WDFY1: variants seen among roughly 807,000 people sequenced by gnomAD.
The protein encoded by WDFY1 is WD repeat and FYVE domain-containing protein 1.
Under a neutral mutation model 56.4 loss-of-function variants are expected in WDFY1, and 32 were observed. The observed-to-expected ratio is 0.57, with a 90% CI of 0.43 to 0.76. WDFY1 has a LOEUF of 0.76. Among genes scored for constraint, WDFY1 ranks in the 30% least tolerant of loss-of-function variants. The probability of loss-of-function intolerance (pLI) is 0.00; values close to 1 mark genes in which losing one functional copy is unlikely to be tolerated. For missense variants in WDFY1, 480 were observed against 545.7 expected, an observed-to-expected ratio of 0.88 and a Z score of 1.20; for synonymous variants, 192 against 197.3, an observed-to-expected ratio of 0.97 and a Z score of 0.23.
chr2:223,918,812 C>A (rs747999493), intron 1 of WDFY1, among the ~76,000 whole-genome samples: 1 of 151,998 alleles, frequency 6.6e-6, no homozygotes, highest in Non-Finnish European at 1.5e-5. Context: ...TGGAGAGGGG[C>A]GCCACGCACA....
chr2:223,941,266 T>A (rs1689299097), intron 1 of WDFY1, among the ~76,000 whole-genome samples: 1 of 70,856 alleles, frequency 1.4e-5, no homozygotes, highest in Non-Finnish European at 4.5e-5. Context: ...CCCCAAAAAC[T>A]TTTTTTTTTT....
intron 10 of WDFY1, among the ~76,000 whole-genome samples, chr2:223,881,136 A>G (rs1192731837): frequency 6.6e-6 from 1 of 152,258 alleles, no homozygotes; most frequent in Non-Finnish European, 1.5e-5. Flanking sequence ...GGTATCAAAC[A>G]GATGTGTCTT....
chr2:223,936,082 G>A (rs62185689), intron 1 of WDFY1, among the ~76,000 whole-genome samples: 1 of 109,010 alleles, frequency 9.2e-6, no homozygotes, highest in African/African-American at 3.3e-5. Context: ...TTTTTTTGGG[G>A]ACAGAGTCTT....
intron 10 of WDFY1, 49 bp from the exon 11 acceptor site, chr2:223,880,281 G>C: frequency 6.5e-7 from 1 of 1,549,172 alleles, no homozygotes. Context: ...TGTACCTAGA[G>C]CTAGTGGGGT....
intron 9 of WDFY1, among the ~76,000 whole-genome samples, chr2:223,882,913 G>A (rs1250270433): frequency 1.3e-5 from 2 of 152,074 alleles, no homozygotes; most frequent in East Asian, 1.9e-4. Flanking sequence ...TTTTTTTGCA[G>A]AGACAGGGTC....
chr2:223,902,388 C>T (rs927285075), intron 4 of WDFY1, among the ~76,000 whole-genome samples: 3 of 152,100 alleles, frequency 2.0e-5, no homozygotes, highest in Non-Finnish European at 4.4e-5. Flanking sequence ...CAAAGCAAGA[C>T]CCCACCTCTA....
intron 1 of WDFY1, among the ~76,000 whole-genome samples, chr2:223,929,779 C>A (rs947047249): frequency 6.6e-6 from 1 of 152,184 alleles, no homozygotes. Flanking sequence ...AGGAGAGATA[C>A]GATCTGAAAA....
rs550081513 is a variant in WDFY1, at chr2:223,922,148, C to T, written c.138-4138G>A. On this transcript the variant is annotated intron_variant, in intron 1 of 11. Transcript: ENST00000233055. ...CTGAATACGTCCAGCTCAGGTTATG[C>T]CCTAAATCCACCTTCCTCCCCACCC... Among the ~76,000 whole-genome samples, 7 of 152,296 alleles carry T rather than the reference C, an allele frequency of 4.6e-5. No individual in the cohort carries two copies. The East Asian group carries it at 1.4e-3, about 29-fold the overall frequency.
At chr2:223,945,022 A>T (rs1431008937) in intron 1 of WDFY1, 126 bp downstream of exon 1, 1 of 1,116,534 alleles carries the variant, frequency 9.0e-7, no homozygotes, top group Non-Finnish European at 1.2e-6. Context: ...AGGGGCGCAG[A>T]GTGGGGGTGG....
At chr2:223,929,195 T>TG (rs1553538014) in intron 1 of WDFY1, among the ~76,000 whole-genome samples, 21 of 145,028 alleles carry the variant, frequency 1.4e-4, no homozygotes, top group African/African-American at 3.3e-4. Context: ...TTTTGTTTTT[T>TG]TTTTTTTTTG....
At position 223,892,130 on chromosome 2, in the gene WDFY1, A is replaced by G. The variant is rs546295247; in HGVS notation, c.831+2104T>C. ...GCTGGGATTATAGGCACCTGCCACCATGCCTGGCTAATTTTTATATTTTTT... is the reference window on the plus strand; with the variant it reads ...GCTGGGATTATAGGCACCTGCCACCGTGCCTGGCTAATTTTTATATTTTTT... On this transcript the variant is annotated intron_variant, in intron 8 of 11. Coordinates refer to ENST00000233055, the MANE Select transcript of WDFY1 (RefSeq NM_020830.5). 5.3e-5 allele frequency among the ~76,000 whole-genome samples: 8 copies of G among 152,018 alleles called. No homozygotes were observed. In the East Asian group the frequency reaches 1.6e-3, roughly 29 times the overall value.
chr2:223,919,454 G>A (rs1455849325), intron 1 of WDFY1, among the ~76,000 whole-genome samples: 4 of 152,218 alleles, frequency 2.6e-5, no homozygotes, highest in Admixed American at 1.3e-4. Context: ...CAAGTGATCC[G>A]CCTGCCTTGG....
In WDFY1 at chr2:223,877,847, G is replaced by A. The variant is rs1308416945; in HGVS notation, c.*824C>T. On this transcript the variant is annotated 3_prime_UTR_variant, in exon 12 of 12. Coordinates refer to ENST00000233055, the MANE Select transcript of WDFY1 (RefSeq NM_020830.5). ...ACTGATCATTTCGCATCACAGTGGTGGCTGGGTTTTCCATCAGTCATTACT... is the reference window on the plus strand; with the variant it reads ...ACTGATCATTTCGCATCACAGTGGTAGCTGGGTTTTCCATCAGTCATTACT... The A allele has an allele frequency of 6.6e-6, 1 of 152,574 alleles. No homozygotes were observed. The highest frequency in any genetic ancestry group is 2.4e-5 in the African/African-American group (1 of 41,426). 9.5% of individuals were successfully genotyped at this position (152,574 alleles called of 1,614,324 possible). A position where few individuals can be genotyped will look rare whatever the true frequency, so the allele number is the denominator to read the frequency against.
chr2:223,904,106 G>C (rs982030709), intron 4 of WDFY1, among the ~76,000 whole-genome samples: 4 of 152,066 alleles, frequency 2.6e-5, no homozygotes, highest in Admixed American at 6.6e-5. Flanking sequence ...AGTTGCTTCT[G>C]GTGTTATAAT....
At chr2:223,931,377 A>C (rs1171620005) in intron 1 of WDFY1, among the ~76,000 whole-genome samples, 1 of 152,224 alleles carries the variant, frequency 6.6e-6, no homozygotes, top group East Asian at 1.9e-4. Flanking sequence ...TGGAGTTATA[A>C]CCACAGTTAT....
intron 1 of WDFY1, among the ~76,000 whole-genome samples, chr2:223,934,904 AG>A (rs1238586734): frequency 6.6e-6 from 1 of 152,230 alleles, no homozygotes; most frequent in Non-Finnish European, 1.5e-5. Flanking sequence ...GGACAGAAAA[AG>A]GGTAGATTAA....
rs1481921865 is a variant in WDFY1, at chr2:223,878,750, G to A, written c.1174-20C>T. ...CCAGATCTACAAGGAAGGAAGAAAC[G>A]CAGAAAAGGCAGCAGTGATAACCAG... On this transcript the variant is annotated intron_variant, in intron 11 of 11. Transcript: ENST00000233055. 1.2e-5 allele frequency: 19 copies of A among 1,612,548 alleles called. No homozygotes were observed. In the Middle Eastern group the frequency reaches 4.9e-4, roughly 42 times the overall value.
intron 1 of WDFY1, among the ~76,000 whole-genome samples, chr2:223,926,919 C>T (rs954269440): frequency 3.9e-5 from 6 of 152,168 alleles, no homozygotes; most frequent in Admixed American, 2.0e-4. Context: ...CTGTCTGCTT[C>T]GGCCTCCCAA....
At chr2:223,878,829 G>T (rs1186313196) in intron 11 of WDFY1, 99 bp from the exon 12 acceptor site, 4 of 1,402,806 alleles carry the variant, frequency 2.9e-6, no homozygotes, top group Admixed American at 4.2e-5. Context: ...ACCTGAAAAG[G>T]TGTCAAATTA....
Sources: allele counts gnomAD v4.1 joint callset (sites outside exome capture counted in the v4.1 genomes callset), GRCh38; gene constraint gnomAD v4.1.1; transcripts MANE v1.5; gene names NCBI Gene and HGNC (gene_info 2026-07-23, HGNC 2026-07-21).